NTRK2: variants seen among roughly 807,000 people sequenced by gnomAD.
NTRK2 encodes the protein BDNF/NT-3 growth factors receptor.
NTRK2 carries 13 observed loss-of-function variants against 94.5 expected under a neutral mutation model. That is an observed-to-expected ratio of 0.14 (90% CI 0.09 to 0.22). NTRK2 has a LOEUF of 0.22. Among genes scored for constraint, NTRK2 ranks in the 10% least tolerant of loss-of-function variants. The probability of loss-of-function intolerance (pLI) is 1.00; values close to 1 mark genes in which losing one functional copy is unlikely to be tolerated. For missense variants in NTRK2, 639 were observed against 1,071.2 expected, an observed-to-expected ratio of 0.60 and a Z score of 5.63; for synonymous variants, 372 against 407.4, an observed-to-expected ratio of 0.91 and a Z score of 1.05.
At chr9:84,733,689 G>A (rs1486170369) in intron 9 of NTRK2, among the ~76,000 whole-genome samples, 2 of 152,088 alleles carry the variant, frequency 1.3e-5, no homozygotes, top group Non-Finnish European at 2.9e-5. Context: ...CTTTATTCTG[G>A]TTGTAAGACA....
intron 12 of NTRK2, among the ~76,000 whole-genome samples, chr9:84,846,139 A>G (rs1157710448): frequency 2.0e-5 from 3 of 152,166 alleles, no homozygotes; most frequent in East Asian, 3.9e-4. Flanking sequence ...AAATTTGACA[A>G]TGCTTAGTTG....
intron 12 of NTRK2, among the ~76,000 whole-genome samples, chr9:84,772,066 A>C (rs2066604122): frequency 6.6e-6 from 1 of 152,088 alleles, no homozygotes; most frequent in Non-Finnish European, 1.5e-5. Context: ...ATTTTCTTTC[A>C]CTGTGAAGTC....
intron 14 of NTRK2, among the ~76,000 whole-genome samples, chr9:84,899,181 T>C (rs1005950648): frequency 6.6e-6 from 1 of 152,230 alleles, no homozygotes; most frequent in Non-Finnish European, 1.5e-5. Context: ...CTTAGCCATA[T>C]TGGGAAACAT....
At chr9:84,757,303 C>T (rs1250873427) in intron 12 of NTRK2, among the ~76,000 whole-genome samples, 1 of 152,148 alleles carries the variant, frequency 6.6e-6, no homozygotes, top group Non-Finnish European at 1.5e-5. Context: ...CATTTCCACT[C>T]CTAGAAATAA....
chr9:84,960,800 C>A (rs1166534872), intron 17 of NTRK2, among the ~76,000 whole-genome samples: 1 of 152,188 alleles, frequency 6.6e-6, no homozygotes, highest in Admixed American at 6.5e-5. Flanking sequence ...CTATGTCTCT[C>A]ATTAATATGA....
intron 2 of NTRK2, among the ~76,000 whole-genome samples, chr9:84,688,149 G>A (rs1391859597): frequency 1.3e-5 from 2 of 152,196 alleles, no homozygotes; most frequent in African/African-American, 4.8e-5. Context: ...CTGGGGAAGG[G>A]TGAAATCCAG....
At chr9:84,900,629 G>A (rs747607086) in intron 14 of NTRK2, among the ~76,000 whole-genome samples, 13 of 152,132 alleles carry the variant, frequency 8.5e-5, no homozygotes, top group Non-Finnish European at 1.5e-4. Flanking sequence ...TCAGAGGCAC[G>A]CCTTGTAAAA....
chr9:84,714,213 G>A (rs72737675), intron 6 of NTRK2, among the ~76,000 whole-genome samples: 3,905 of 151,918 alleles, frequency 0.026, 69 homozygotes, highest in Non-Finnish European at 0.039. Context: ...ACAATCTCTC[G>A]TGAGTCATTT....
Position 84,801,511 on chromosome 9 carries a change from C to T in NTRK2, c.1396+49426C>T, listed in dbSNP as rs116193151. On this transcript the variant is annotated intron_variant, in intron 12 of 18. Transcript: ENST00000277120. The stretch of plus-strand genomic sequence containing the variant: ...AAAGTGGTTCGGTATTCTCCTGTGA[C>T]GCTGAGCAGGGGCAGCAAGCCACAT... 2.2e-3 allele frequency among the ~76,000 whole-genome samples: 340 copies of T among 152,234 alleles called. 2 individuals are homozygous for T. The highest frequency in any genetic ancestry group is 7.9e-3 in the African/African-American group (327 of 41,520).
At chr9:84,817,027 T>C (rs2072469576) in intron 12 of NTRK2, among the ~76,000 whole-genome samples, 1 of 152,198 alleles carries the variant, frequency 6.6e-6, no homozygotes, top group East Asian at 1.9e-4. Flanking sequence ...ATTTCTTCCT[T>C]TGCAGAATGA....
chr9:84,790,186 C>T (rs540942981), intron 12 of NTRK2, among the ~76,000 whole-genome samples: 11 of 152,148 alleles, frequency 7.2e-5, no homozygotes, highest in East Asian at 1.9e-4. Flanking sequence ...GTCAAGCAAA[C>T]GTTTAGTTTA....
At chr9:84,761,959 A>T (rs1345610408) in intron 12 of NTRK2, among the ~76,000 whole-genome samples, 1 of 152,136 alleles carries the variant, frequency 6.6e-6, no homozygotes, top group Non-Finnish European at 1.5e-5. Flanking sequence ...AGGCAATTGA[A>T]TCATGGGGGT....
chr9:84,726,485 TA>T (rs1017778999), intron 8 of NTRK2, among the ~76,000 whole-genome samples: 8 of 151,036 alleles, frequency 5.3e-5, no homozygotes, highest in African/African-American at 2.0e-4. Context: ...AGAATCTGTC[TA>T]AAAAAACAAA....
intron 12 of NTRK2, among the ~76,000 whole-genome samples, chr9:84,791,525 G>T (rs1213369020): frequency 2.0e-5 from 3 of 152,100 alleles, no homozygotes; most frequent in Non-Finnish European, 4.4e-5. Context: ...TGGGCACAAG[G>T]TGTTTGGGGG....
chr9:84,676,795 A>G (rs2059086433), intron 2 of NTRK2, among the ~76,000 whole-genome samples: 1 of 152,224 alleles, frequency 6.6e-6, no homozygotes, highest in Non-Finnish European at 1.5e-5. Context: ...CCAACCTAAT[A>G]GAACCACCAT....
intron 4 of NTRK2, among the ~76,000 whole-genome samples, chr9:84,707,444 C>T (rs1204615939): frequency 6.6e-6 from 1 of 152,038 alleles, no homozygotes; most frequent in African/African-American, 2.4e-5. Flanking sequence ...CCATGATGCT[C>T]TTTAGTTTTA....
chr9:84,883,955 G>T (rs541380251), intron 14 of NTRK2, among the ~76,000 whole-genome samples: 1 of 152,288 alleles, frequency 6.6e-6, no homozygotes, highest in African/African-American at 2.4e-5. Context: ...GTATAATTTA[G>T]TACTTAGTAT....
At chr9:84,700,162 TTATC>T (rs1465145875) in intron 2 of NTRK2, among the ~76,000 whole-genome samples, 4 of 152,212 alleles carry the variant, frequency 2.6e-5, no homozygotes, top group African/African-American at 9.6e-5. Flanking sequence ...CTCGCCCACA[TTATC>T]TATCCTTTTT....
At chr9:84,924,034 A>C (rs1476674188) in intron 14 of NTRK2, among the ~76,000 whole-genome samples, 1 of 152,058 alleles carries the variant, frequency 6.6e-6, no homozygotes, top group African/African-American at 2.4e-5. Context: ...GATAAAACAG[A>C]CACCAGCAAA....
Sources: gnomAD v4.1 joint callset for allele counts (sites outside exome capture counted in the v4.1 genomes callset) on GRCh38, gnomAD v4.1.1 for gene constraint, MANE v1.5 for transcripts, NCBI Gene and HGNC (gene_info 2026-07-23, HGNC 2026-07-21) for gene names.